Variants in RAP1B observed in about 807,000 individuals in gnomAD.
RAP1B encodes the protein RAP1B, member of RAS oncogene family, also known as ras-related protein Rap-1b.
A neutral mutation model predicts 27.5 loss-of-function variants in RAP1B; 1 was observed. The ratio of observed to expected loss-of-function variants is 0.04; its 90% CI spans 0.01 to 0.17. The LOEUF is 0.17. RAP1B is among the 10% of genes least tolerant of loss of function. RAP1B has a pLI of 1.00. For synonymous variants in RAP1B, 75 were observed against 73.1 expected (o/e 1.03, Z -0.13); for missense variants, 84 against 214.8 (o/e 0.39, Z 3.81).
chr12:68,640,482 T>C (rs1872923363), intron 1 of RAP1B, among the ~76,000 whole-genome samples: 1 of 152,222 alleles, frequency 6.6e-6, no homozygotes, highest in African/African-American at 2.4e-5. Flanking sequence ...GTACTCATTA[T>C]ATATTTATTG....
chr12:68,622,196 C>T (rs374387855), intron 1 of RAP1B, among the ~76,000 whole-genome samples: 2 of 152,280 alleles, frequency 1.3e-5, no homozygotes, highest in African/African-American at 4.8e-5. Flanking sequence ...CTGTTAAGGT[C>T]TTTTCGGGCT....
chr12:68,641,455 T>TA (rs1450342996), intron 1 of RAP1B, among the ~76,000 whole-genome samples: 6 of 152,080 alleles, frequency 3.9e-5, no homozygotes, highest in Non-Finnish European at 5.9e-5. Flanking sequence ...TTTAAATTGA[T>TA]AAAAAAGAAC....
At chr12:68,643,222 C>T (rs1021641085) in intron 1 of RAP1B, among the ~76,000 whole-genome samples, 5 of 152,024 alleles carry the variant, frequency 3.3e-5, no homozygotes, top group African/African-American at 9.7e-5. Context: ...TACTTCCTAT[C>T]CTCTTTTTGA....
intron 1 of RAP1B, among the ~76,000 whole-genome samples, chr12:68,615,074 AC>A (rs1340395433): frequency 6.6e-6 from 1 of 152,226 alleles, no homozygotes; most frequent in East Asian, 1.9e-4. Flanking sequence ...TGCCTTAAAA[AC>A]ATCACTTTTT....
intron 1 of RAP1B, among the ~76,000 whole-genome samples, chr12:68,611,481 G>A (rs575784972): frequency 1.3e-5 from 2 of 151,990 alleles, no homozygotes; most frequent in African/African-American, 4.8e-5. Context: ...TCCCTCCGTG[G>A]TATGGGTGGA....
At chr12:68,618,069 G>C (rs946880031) in intron 1 of RAP1B, among the ~76,000 whole-genome samples, 5 of 111,724 alleles carry the variant, frequency 4.5e-5, no homozygotes, top group Non-Finnish European at 9.2e-5. Flanking sequence ...AGCTGTATTA[G>C]TTCTTGTTCT....
intron 1 of RAP1B, among the ~76,000 whole-genome samples, chr12:68,636,087 A>T (rs1204172328): frequency 2.0e-5 from 3 of 150,850 alleles, no homozygotes; most frequent in Non-Finnish European, 4.4e-5. Flanking sequence ...GCTTCACCAT[A>T]TTGGCCAGGC....
chr12:68,643,563 A>G (rs1022673770), intron 1 of RAP1B, among the ~76,000 whole-genome samples: 1 of 152,222 alleles, frequency 6.6e-6, no homozygotes, highest in Non-Finnish European at 1.5e-5. Context: ...CTTAAAGAAT[A>G]GAATTAAACT....
chr12:68,656,673 A>AGAGTTTTTATTC, intron 6 of RAP1B: 1 of 579,924 alleles, frequency 1.7e-6, no homozygotes, highest in Admixed American at 3.5e-5. Context: ...AAAAAGGAAG[A>AGAGTTTTTATTC]CTGGACAGAA....
At chr12:68,612,387 T>C (rs528723143) in intron 1 of RAP1B, among the ~76,000 whole-genome samples, 1 of 152,306 alleles carries the variant, frequency 6.6e-6, no homozygotes, top group African/African-American at 2.4e-5. Flanking sequence ...ACTCTTGAAA[T>C]AGTATTTATT....
rs1307672555 is a variant in RAP1B, at chr12:68,660,183, C to T, written c.*934C>T. ...GTTAGTGATTGTTTCACATGTGTAA[C>T]GTTTTGGTTGAGATGTTAAATGGTG... On this transcript the variant is annotated 3_prime_UTR_variant, in exon 8 of 8. Coordinates refer to ENST00000250559, the MANE Select transcript of RAP1B (RefSeq NM_001010942.3). 39 of 115,562 alleles carry T rather than the reference C, an allele frequency of 3.4e-4. No homozygotes were observed. The highest frequency in any genetic ancestry group is 1.3e-3 in the African/African-American group (37 of 28,902). 7.2% of individuals were successfully genotyped at this position (115,562 alleles called of 1,614,324 possible).
intron 1 of RAP1B, among the ~76,000 whole-genome samples, chr12:68,629,966 A>G (rs891459110): frequency 2.6e-5 from 4 of 152,232 alleles, no homozygotes; most frequent in Admixed American, 2.6e-4. Context: ...CTACAGCAGA[A>G]ATTTTCAAAT....
intron 4 of RAP1B, among the ~76,000 whole-genome samples, 192 bp downstream of exon 4, chr12:68,652,243 C>T (rs765527928): frequency 2.5e-4 from 38 of 152,020 alleles, no homozygotes; most frequent in Admixed American, 2.1e-3. Flanking sequence ...GTCAGGAGTT[C>T]GAGACCAGCC....
chr12:68,626,771 GGT>G, intron 1 of RAP1B: 1 of 1,191,512 alleles, frequency 8.4e-7, no homozygotes, highest in African/African-American at 1.5e-5. Context: ...AATTTTCCAG[GGT>G]GTTTTTTTTT....
rs11295555 is a variant in RAP1B at position 68,663,052 on chromosome 12, CT to C, written c.*3812del. On this transcript the variant is annotated 3_prime_UTR_variant, in exon 8 of 8. Transcript: ENST00000250559. ...CAGTGCATCAACACATTTGAATTTT[CT>C]TTTTTTTTCTTTTTCTTTTTTTTTT... 1,375 of 150,082 alleles carry C rather than the reference CT, an allele frequency of 9.2e-3. 10 individuals carry two copies. The highest frequency in any genetic ancestry group is 0.019 in the South Asian group (92 of 4,734). The allele number at this position is 150,082 out of a possible 1,614,324, so 9.3% of individuals were successfully genotyped here.
rs1289638169 is a variant in RAP1B at position 68,610,949 on chromosome 12, C to CGCGGCA, written c.-113_-108dup. The CGCGGCA allele has an allele frequency of 6.4e-6, 2 of 310,790 alleles. No individual in the cohort carries two copies. Among genetic ancestry groups the CGCGGCA allele is most frequent in the East Asian group, 9.1e-5 (2 of 21,886 alleles). The allele number at this position is 310,790 out of a possible 1,614,324, so 19.3% of individuals were successfully genotyped here. A position where few individuals can be genotyped will look rare whatever the true frequency, so the allele number is the denominator to read the frequency against. ...CAGGCGTGTAAACCAGCCGGAGCGG[C>CGCGGCA]GCGGCAGCGGCAGGACCGCCGTGGC... On this transcript the variant is annotated 5_prime_UTR_variant, in exon 1 of 8. Coordinates refer to ENST00000250559, the MANE Select transcript of RAP1B (RefSeq NM_001010942.3).
rs190679364 is a variant in RAP1B, at chr12:68,668,076, T to C, written c.*8827T>C. The C allele has an allele frequency of 6.6e-5, 10 of 152,352 alleles. No homozygotes were observed. The East Asian group carries it at 1.9e-3, about 29-fold the overall frequency. 9.4% of individuals were successfully genotyped at this position (152,352 alleles called of 1,614,324 possible). A position where few individuals can be genotyped will look rare whatever the true frequency, so the allele number is the denominator to read the frequency against. Reference sequence around the variant, plus strand: ...TTCCACTCTGAACCAGTACAGGATATTCTCATGGTCAGGGCATTCTCTCCT... The same window carrying C: ...TTCCACTCTGAACCAGTACAGGATACTCTCATGGTCAGGGCATTCTCTCCT... On this transcript the variant is annotated 3_prime_UTR_variant, in exon 8 of 8. Coordinates refer to ENST00000250559, the MANE Select transcript of RAP1B (RefSeq NM_001010942.3).
intron 1 of RAP1B, among the ~76,000 whole-genome samples, chr12:68,611,910 T>G (rs1300707325): frequency 2.6e-5 from 4 of 152,354 alleles, no homozygotes; most frequent in South Asian, 4.1e-4. Context: ...TCCGGATTTT[T>G]CTTCTGAAAA....
chr12:68,619,433 A>G (rs561482776), intron 1 of RAP1B, among the ~76,000 whole-genome samples: 41 of 152,362 alleles, frequency 2.7e-4, no homozygotes, highest in African/African-American at 9.4e-4. Context: ...CAAATGATCA[A>G]TGCATAGTAT....
Sources: gnomAD v4.1 joint callset for allele counts (sites outside exome capture counted in the v4.1 genomes callset) on GRCh38, gnomAD v4.1.1 for gene constraint, MANE v1.5 for transcripts, NCBI Gene and HGNC (gene_info 2026-07-23, HGNC 2026-07-21) for gene names.